EYS: variants seen among roughly 807,000 people sequenced by gnomAD.
EYS encodes protein eyes shut homolog.
In EYS, 250 loss-of-function variants were observed where a neutral mutation model predicts 282.1. The observed-to-expected ratio is 0.89, with a 90% confidence interval of 0.80 to 0.98. The LOEUF (loss-of-function observed/expected upper bound fraction) is 0.98. Among genes scored for constraint, EYS ranks in the 50% least tolerant of loss-of-function variants. The pLI is 0.00. For missense variants in EYS, 4,016 were observed against 3,709.0 expected, an observed-to-expected ratio of 1.08 and a Z score of -2.15; for synonymous variants, 1,355 against 1,282.9, an observed-to-expected ratio of 1.06 and a Z score of -1.20.
chr6:64,612,491 T>C (rs1199914964), intron 24 of EYS, among the ~76,000 whole-genome samples: 1 of 152,150 alleles, frequency 6.6e-6, no homozygotes, highest in Non-Finnish European at 1.5e-5. Flanking sequence ...TAAATTCTTT[T>C]ACAGAACATT....
intron 35 of EYS, among the ~76,000 whole-genome samples, chr6:63,881,029 A>G (rs78689624): frequency 1.8e-3 from 280 of 152,124 alleles, no homozygotes; most frequent in African/African-American, 6.5e-3. Flanking sequence ...TTGACACACT[A>G]TTAGATGTGA....
chr6:64,944,899 A>G (rs1313074808), intron 15 of EYS, among the ~76,000 whole-genome samples: 2 of 152,098 alleles, frequency 1.3e-5, no homozygotes, highest in Non-Finnish European at 2.9e-5. Context: ...GCTTATGTGC[A>G]TGTCCAGTCA....
chr6:64,700,311 T>G lies in EYS; in HGVS notation c.3444-74066A>C, dbSNP rs557304364. 3.9e-5 allele frequency among the ~76,000 whole-genome samples: 6 copies of G among 152,110 alleles called. No homozygotes were observed. In the East Asian group the frequency reaches 7.7e-4, roughly 20 times the overall value. ...GAAGAAAAAGTTAAAGAATTTATCC[T>G]AAGAACTGGAACAAGACAAAGATGC... On this transcript the variant is annotated intron_variant, in intron 22 of 42. Coordinates refer to ENST00000503581, the MANE Select transcript of EYS (RefSeq NM_001142800.2).
chr6:64,593,967 AT>A (rs1291637874), intron 24 of EYS, among the ~76,000 whole-genome samples: 1 of 152,176 alleles, frequency 6.6e-6, no homozygotes, highest in African/African-American at 2.4e-5. Flanking sequence ...TATATGAATC[AT>A]TTTTATTTGT....
At chr6:64,891,445 A>T (rs1398762100) in intron 18 of EYS, among the ~76,000 whole-genome samples, 1 of 151,994 alleles carries the variant, frequency 6.6e-6, no homozygotes, top group Admixed American at 6.6e-5. Flanking sequence ...GGGCAAGCAC[A>T]ATGCTGAGCA....
At chr6:64,127,709 A>G (rs767258297) in intron 31 of EYS, among the ~76,000 whole-genome samples, 4 of 152,156 alleles carry the variant, frequency 2.6e-5, no homozygotes, top group Non-Finnish European at 4.4e-5. Context: ...TCAATAAACT[A>G]AAAAACAAAT....
intron 31 of EYS, among the ~76,000 whole-genome samples, chr6:64,096,408 CT>C (rs1165643950): frequency 1.3e-5 from 2 of 152,324 alleles, no homozygotes; most frequent in East Asian, 3.9e-4. Flanking sequence ...TAGATTTGGT[CT>C]TTTCACATAG....
intron 31 of EYS, among the ~76,000 whole-genome samples, chr6:64,171,761 G>A (rs1252711880): frequency 6.6e-6 from 1 of 152,002 alleles, no homozygotes; most frequent in African/African-American, 2.4e-5. Context: ...TGGGGAGTTG[G>A]GTTTATTTCT....
At chr6:63,808,032 G>A (rs1368980342) in intron 36 of EYS, among the ~76,000 whole-genome samples, 2 of 152,052 alleles carry the variant, frequency 1.3e-5, no homozygotes, top group Non-Finnish European at 2.9e-5. Flanking sequence ...CTACCTAAAG[G>A]TTACATTTAG....
intron 22 of EYS, among the ~76,000 whole-genome samples, chr6:64,720,208 C>A (rs1771530761): frequency 6.6e-6 from 1 of 152,160 alleles, no homozygotes; most frequent in African/African-American, 2.4e-5. Flanking sequence ...TCCTTCCTCC[C>A]TCTTCAAAGC....
rs548491216 is a variant in EYS at position 64,222,364 on chromosome 6, G to T, written c.6424+8228C>A. Among the ~76,000 whole-genome samples the T allele has an allele frequency of 1.0e-3, 157 of 152,138 alleles. 1 individual carries two copies. Among genetic ancestry groups the T allele is most frequent in the African/African-American group, 3.4e-3 (143 of 41,538 alleles). On this transcript the variant is annotated intron_variant, in intron 31 of 42. Transcript: ENST00000503581. The stretch of plus-strand genomic sequence containing the variant: ...AATGTCTGAAAATGAATTTCCCAGA[G>T]ACCACACGTTTTGTTCTTAATTATC...
In EYS at chr6:64,605,256, T is replaced by C. The variant is rs182698934; in HGVS notation, c.3685-11947A>G. Among the ~76,000 whole-genome samples, 15 of 152,062 alleles carry C rather than the reference T, an allele frequency of 9.9e-5. No homozygotes were observed. In the East Asian group the frequency reaches 2.9e-3, roughly 29 times the overall value. On this transcript the variant is annotated intron_variant, in intron 24 of 42. Coordinates refer to ENST00000503581, the MANE Select transcript of EYS (RefSeq NM_001142800.2). ...ATATCCATGATCCTAATATAAGAAG[T>C]GCCAATGGCCTTCTTATACACTAAC...
chr6:64,547,765 T>A (rs1226238883), intron 26 of EYS, among the ~76,000 whole-genome samples: 1 of 152,134 alleles, frequency 6.6e-6, no homozygotes. Context: ...CTGGGCGCTG[T>A]GGAGCAGGGG....
intron 12 of EYS, among the ~76,000 whole-genome samples, chr6:65,282,823 T>G (rs1407463604): frequency 6.6e-6 from 1 of 152,008 alleles, no homozygotes; most frequent in Non-Finnish European, 1.5e-5. Flanking sequence ...TATTAATAAA[T>G]ACAGTAGCAT....
chr6:63,964,288 A>G (rs1201614432), intron 35 of EYS, among the ~76,000 whole-genome samples: 1 of 152,252 alleles, frequency 6.6e-6, no homozygotes, highest in African/African-American at 2.4e-5. Context: ...TGTGCATCTT[A>G]GCAAGATTAG....
chr6:65,292,656 C>G (rs573872436), intron 12 of EYS, among the ~76,000 whole-genome samples: 3 of 151,820 alleles, frequency 2.0e-5, no homozygotes, highest in Non-Finnish European at 4.4e-5. Context: ...TATAGTACAA[C>G]AGTGAAAATA....
At chr6:64,765,247 G>C (rs1472007793) in intron 22 of EYS, among the ~76,000 whole-genome samples, 2 of 152,138 alleles carry the variant, frequency 1.3e-5, no homozygotes, top group African/African-American at 4.8e-5. Context: ...CTAAAGCATA[G>C]CAAGAATGAC....
intron 28 of EYS, among the ~76,000 whole-genome samples, chr6:64,432,520 A>G (rs1002032430): frequency 1.3e-5 from 2 of 150,884 alleles, no homozygotes; most frequent in Admixed American, 6.7e-5. Context: ...TGTTAATATA[A>G]TTATGTTTTA....
chr6:64,080,914 A>G (rs1013661664), intron 32 of EYS, among the ~76,000 whole-genome samples: 6 of 151,986 alleles, frequency 3.9e-5, no homozygotes, highest in African/African-American at 7.3e-5. Context: ...CCATTGGTCT[A>G]TATCTCTGTT....
Sources: allele counts gnomAD v4.1 joint callset (sites outside exome capture counted in the v4.1 genomes callset), GRCh38; gene constraint gnomAD v4.1.1; transcripts MANE v1.5; gene names NCBI Gene and HGNC (gene_info 2026-07-23, HGNC 2026-07-21).